Variants in SNRPN observed in about 807,000 individuals in gnomAD.
SNRPN encodes small nuclear ribonucleoprotein polypeptide N.
Under a neutral mutation model 25.2 loss-of-function variants are expected in SNRPN, and 7 were observed. The observed-to-expected ratio is 0.28, with a 90% CI of 0.16 to 0.52. SNRPN has a LOEUF of 0.52. Ranked by LOEUF, SNRPN falls within the 20% of genes least tolerant of loss-of-function variation. The probability of loss-of-function intolerance (pLI) is 0.96; values close to 1 mark genes in which losing one functional copy is unlikely to be tolerated. For synonymous variants in SNRPN, 124 were observed against 110.6 expected, an observed-to-expected ratio of 1.12 and a Z score of -0.76; for missense variants, 196 against 322.5, an observed-to-expected ratio of 0.61 and a Z score of 3.00.
chr15:24,896,736 T>C (rs1248022361), intron 2 of SNRPN, among the ~76,000 whole-genome samples: 2 of 151,996 alleles, frequency 1.3e-5, no homozygotes, highest in East Asian at 3.9e-4. Flanking sequence ...CTCCTAGGCC[T>C]TCCCTGATGT....
intron 2 of SNRPN, among the ~76,000 whole-genome samples, chr15:24,836,537 G>A (rs906246974): frequency 5.3e-5 from 8 of 151,874 alleles, no homozygotes; most frequent in Admixed American, 3.9e-4. Flanking sequence ...TCAGTCTCCC[G>A]AGTAGCTGGG....
At chr15:24,828,243 T>C (rs2050239686) in intron 1 of SNRPN, among the ~76,000 whole-genome samples, 1 of 152,106 alleles carries the variant, frequency 6.6e-6, no homozygotes, top group Non-Finnish European at 1.5e-5. Context: ...GTAATGGCAA[T>C]GAAACATTTC....
chr15:24,956,391 T>C (rs558064234), intron 1 of SNRPN, among the ~76,000 whole-genome samples: 91 of 144,664 alleles, frequency 6.3e-4, no homozygotes, highest in African/African-American at 2.2e-3. Flanking sequence ...GAGCCGCCAG[T>C]GGGGAGGGGG....
At chr15:24,949,010 CTTTTTTTT>C (rs869100437) in intron 3 of SNRPN, among the ~76,000 whole-genome samples, 4 of 46,418 alleles carry the variant, frequency 8.6e-5, no homozygotes, top group Middle Eastern at 0.02. Flanking sequence ...TTTGCCTATT[CTTTTTTTT>C]TTTTTTTTTT....
intron 1 of SNRPN, among the ~76,000 whole-genome samples, chr15:24,873,873 T>C (rs918268069): frequency 3.9e-5 from 6 of 152,116 alleles, no homozygotes; most frequent in Admixed American, 3.9e-4. Context: ...CTAGACCACA[T>C]TTCTCACTTC....
At chr15:24,879,528 G>A (rs1043238675) in intron 1 of SNRPN, among the ~76,000 whole-genome samples, 7 of 152,132 alleles carry the variant, frequency 4.6e-5, no homozygotes, top group Admixed American at 6.5e-5. Flanking sequence ...ACATTGTTTA[G>A]ATGAGAAAAT....
intron 2 of SNRPN, among the ~76,000 whole-genome samples, chr15:24,905,232 C>A (rs568815979): frequency 6.6e-6 from 1 of 151,940 alleles, no homozygotes; most frequent in South Asian, 2.1e-4. Context: ...CAGGGAGGAC[C>A]GGGTGCGGTG....
At chr15:24,843,458 G>A (rs190394555) in intron 2 of SNRPN, among the ~76,000 whole-genome samples, 2 of 152,150 alleles carry the variant, frequency 1.3e-5, no homozygotes, top group Admixed American at 6.5e-5. Flanking sequence ...GAGCAGCTTC[G>A]CCAACATAGT....
chr15:24,883,468 C>G (rs2056920875), intron 1 of SNRPN, among the ~76,000 whole-genome samples: 1 of 151,876 alleles, frequency 6.6e-6, no homozygotes, highest in South Asian at 2.1e-4. Flanking sequence ...ATCCCTACCC[C>G]CTCAACAAAC....
At position 24,974,484 on chromosome 15, in the gene SNRPN, G is replaced by T; in HGVS notation, c.3+28G>T. 3 of 1,610,978 alleles carry T rather than the reference G, an allele frequency of 1.9e-6. No individual in the cohort carries two copies. In the South Asian group the frequency reaches 3.3e-5, roughly 18 times the overall value. ...AAGCTGTATGATAAGGCTGAGGGTT[G>T]AAATGTGCTGTAAGGGCCGAAAGAA... On this transcript the variant is annotated intron_variant, in intron 4 of 9. Coordinates refer to ENST00000390687, the MANE Select transcript of SNRPN (RefSeq NM_003097.6).
At chr15:24,967,864 C>T in intron 2 of SNRPN, 68 bp from the exon 3 acceptor site, 3 of 1,034,044 alleles carry the variant, frequency 2.9e-6, no homozygotes, top group Non-Finnish European at 4.4e-6. Context: ...ACCTAGTTTT[C>T]TTTCATATGG....
chr15:24,969,354 C>G (rs1333935223), intron 3 of SNRPN, among the ~76,000 whole-genome samples: 1 of 151,244 alleles, frequency 6.6e-6, no homozygotes, highest in East Asian at 2.0e-4. Context: ...GTCTCAAACT[C>G]CTGAACTCAG....
intron 2 of SNRPN, among the ~76,000 whole-genome samples, chr15:24,963,515 T>C (rs2075163336): frequency 6.6e-6 from 1 of 151,610 alleles, no homozygotes; most frequent in Admixed American, 6.6e-5. Context: ...CTTGGGAGGC[T>C]GAGGCAGGAG....
At chr15:24,949,852 G>T (rs1429161210) in intron 3 of SNRPN, among the ~76,000 whole-genome samples, 3 of 150,288 alleles carry the variant, frequency 2.0e-5, no homozygotes, top group African/African-American at 7.3e-5. Context: ...TTTGGAGAAC[G>T]GGTCTCACTC....
chr15:24,945,458 G>A (rs550879456), intron 3 of SNRPN, among the ~76,000 whole-genome samples: 1 of 150,784 alleles, frequency 6.6e-6, no homozygotes, highest in Non-Finnish European at 1.5e-5. Context: ...AGGATCACTT[G>A]AGCCCAGGAC....
In SNRPN at chr15:24,873,212, T is replaced by C. The variant is rs1292441458; in HGVS notation, c.-578-13304T>C. ...GATTCCCATAGCACAACGACATCAC[T>C]CTGCTGGACAGCAAGAGGGTGTGTT... On this transcript the variant is annotated intron_variant, in intron 1 of 11. Coordinates refer to the SNRPN transcript ENST00000400097. Among the ~76,000 whole-genome samples the C allele has an allele frequency of 9.1e-5, 11 of 121,056 alleles. 2 individuals are homozygous for C. The highest frequency in any genetic ancestry group is 2.0e-4 in the Non-Finnish European group (11 of 55,624). The allele number at this position is 121,056 out of a possible 152,430, so 79.4% of individuals were successfully genotyped here. A position where few individuals can be genotyped will look rare whatever the true frequency, so the allele number is the denominator to read the frequency against.
Position 24,825,689 on chromosome 15 carries a change from A to G in SNRPN, c.-687+1839A>G, listed in dbSNP as rs911388010. Among the ~76,000 whole-genome samples the G allele has an allele frequency of 2.0e-5, 3 of 152,144 alleles. No homozygotes were observed. The East Asian group carries it at 5.8e-4, about 29-fold the overall frequency. On this transcript the variant is annotated intron_variant, in intron 1 of 12. Coordinates refer to the SNRPN transcript ENST00000400100. ...TGTCTTAAGAGTGCTCAGAACACTT[A>G]TATTTGCCTACATTTGTACAAAATC...
intron 3 of SNRPN, among the ~76,000 whole-genome samples, chr15:24,970,373 A>G (rs2153616518): frequency 6.6e-6 from 1 of 152,200 alleles, no homozygotes; most frequent in South Asian, 2.1e-4. Context: ...TGAGGTCAGA[A>G]GTTCGAGACC....
intron 2 of SNRPN, chr15:24,848,540 T>C (rs1295921093): frequency 6.6e-6 from 1 of 152,228 alleles, no homozygotes; most frequent in Admixed American, 6.5e-5. Context: ...TGGTGTTTCT[T>C]TACAACCTCT....
Sources: allele counts gnomAD v4.1 joint callset (sites outside exome capture counted in the v4.1 genomes callset), GRCh38; gene constraint gnomAD v4.1.1; transcripts MANE v1.5; gene names NCBI Gene and HGNC (gene_info 2026-07-23, HGNC 2026-07-21).